Variants in CELF2 observed in about 807,000 individuals in gnomAD.
The protein encoded by CELF2 is CUGBP Elav-like family member 2.
CELF2 carries 8 observed loss-of-function variants against 62.6 expected under a neutral mutation model. That is an observed-to-expected ratio of 0.13 (90% CI 0.07 to 0.23). CELF2 has a LOEUF of 0.23. Ranked by LOEUF, CELF2 falls within the 10% of genes least tolerant of loss-of-function variation. The pLI, the probability that CELF2 is intolerant of heterozygous loss-of-function variation, is 1.00. For missense variants in CELF2, 333 were observed against 671.0 expected (o/e 0.50, Z 5.56); for synonymous variants, 258 against 250.0 (o/e 1.03, Z -0.30).
the CELF2 span, among the ~76,000 whole-genome samples, chr10:10,718,623 CAAAA>C: frequency 8.4e-5 from 7 of 83,820 alleles, no homozygotes; most frequent in African/African-American, 8.5e-5. Flanking sequence ...GACTCCGTCT[CAAAA>C]AAAAAAAAAA....
the CELF2 span, among the ~76,000 whole-genome samples, chr10:10,519,132 C>T: frequency 3.3e-5 from 5 of 152,060 alleles, no homozygotes; most frequent in Non-Finnish European, 2.9e-5. Flanking sequence ...CAGAATTTAG[C>T]AAAATGGAAT....
the CELF2 span, among the ~76,000 whole-genome samples, chr10:10,703,809 C>T: frequency 0.21 from 31,616 of 152,062 alleles, 3,597 homozygotes; most frequent in South Asian, 0.43. Context: ...TTTTCTCAGA[C>T]GAGGGAGAAT....
chr10:11,267,048 C>A lies in CELF2; in HGVS notation c.618+371C>A, dbSNP rs1049964103. The stretch of plus-strand genomic sequence containing the variant: ...GGGGTCGGTGCGGATGAAACAGTAA[C>A]AGCCTCCCACCCCAAATTACTGCTT... On this transcript the variant is annotated intron_variant, in intron 6 of 12. Transcript: ENST00000633077. This position sits in a 1 kb window ranked among gnomAD's most constrained non-coding sequence, Gnocchi z 4.4. Among the ~76,000 whole-genome samples, 1 of 152,216 alleles carries A rather than the reference C, an allele frequency of 6.6e-6. No individual in the cohort carries two copies. The highest frequency in any genetic ancestry group is 2.4e-5 in the African/African-American group (1 of 41,458).
At chr10:10,536,280 T>A in the CELF2 span, among the ~76,000 whole-genome samples, 5 of 152,118 alleles carry the variant, frequency 3.3e-5, no homozygotes, top group South Asian at 2.1e-4. Context: ...GGCCTCCCAA[T>A]GTGTTGGGAT....
chr10:10,988,294 TAGAGAG>T (rs113642206), intron 2 of CELF2, among the ~76,000 whole-genome samples: 4 of 140,842 alleles, frequency 2.8e-5, no homozygotes, highest in Non-Finnish European at 4.5e-5. Context: ...TATATATATA[TAGAGAG>T]AGAGAGAGAG....
the CELF2 span, among the ~76,000 whole-genome samples, chr10:10,501,722 CAAAT>C: frequency 6.6e-6 from 1 of 152,054 alleles, no homozygotes; most frequent in Non-Finnish European, 1.5e-5. Flanking sequence ...ATATCACTGA[CAAAT>C]AGAACACTTT....
At chr10:11,076,884 G>C (rs1174569167) in intron 1 of CELF2, among the ~76,000 whole-genome samples, 1 of 152,162 alleles carries the variant, frequency 6.6e-6, no homozygotes, top group Admixed American at 6.5e-5. Context: ...TTGTCTTGCA[G>C]ATCTAACTTG....
rs76787174 is a variant in CELF2 at position 11,323,767 on chromosome 10, T to C, written c.1295-2069T>C. On this transcript the variant is annotated intron_variant, in intron 11 of 12. Transcript: ENST00000633077. ...ACAGTAACGTGCACTGGGAGAAATC[T>C]GATGAAAGGGTGACTTGTGAACAGG... Among the ~76,000 whole-genome samples, 341 of 152,292 alleles carry C rather than the reference T, an allele frequency of 2.2e-3. 1 individual carries two copies. Among genetic ancestry groups the C allele is most frequent in the African/African-American group, 7.9e-3 (327 of 41,566 alleles).
At chr10:11,289,820 G>A (rs952001233) in intron 9 of CELF2, among the ~76,000 whole-genome samples, 3 of 152,122 alleles carry the variant, frequency 2.0e-5, no homozygotes, top group Non-Finnish European at 2.9e-5. Context: ...ATCCTGTAAC[G>A]ATCCCTTTTG....
the CELF2 span, among the ~76,000 whole-genome samples, chr10:10,582,068 T>C: frequency 6.6e-6 from 1 of 152,114 alleles, no homozygotes; most frequent in Non-Finnish European, 1.5e-5. Context: ...ATATCCTGTC[T>C]AGCCGGAGCA....
At chr10:10,962,572 T>C (rs1049357492) in intron 2 of CELF2, among the ~76,000 whole-genome samples, 1 of 152,088 alleles carries the variant, frequency 6.6e-6, no homozygotes, top group African/African-American at 2.4e-5. Flanking sequence ...ATAAAAAATA[T>C]TAACCAGGCA....
At chr10:10,518,724 T>C in the CELF2 span, among the ~76,000 whole-genome samples, 1 of 65,180 alleles carries the variant, frequency 1.5e-5, no homozygotes, top group African/African-American at 4.7e-5. Flanking sequence ...ATGATTTTTT[T>C]TTAAAAAAAA....
In CELF2 at chr10:11,314,141, G is replaced by A. The variant is rs748601455; in HGVS notation, c.979G>A (p.Ala327Thr). The A allele has an allele frequency of 6.2e-7, 1 of 1,601,974 alleles. No individual in the cohort carries two copies. Among genetic ancestry groups the A allele is most frequent in the South Asian group, 1.1e-5 (1 of 90,506 alleles). Reference sequence around the variant, plus strand: ...TGTCTCTGTTTTCCTTTTTTCAGTGGCTGCTTCAACCCCCAACTCCACTGC... The same window carrying A: ...TGTCTCTGTTTTCCTTTTTTCAGTGACTGCTTCAACCCCCAACTCCACTGC... ...SALGALTSPVAASTPNSTAGA... is the reference protein window; with the variant it reads ...SALGALTSPVTASTPNSTAGA... Residue 327 changes from alanine to threonine, a missense_variant and splice_region_variant, in exon 10 of 13, where the codon GCT becomes ACT. By Grantham distance (58) the Ala-to-Thr change is moderately conservative. Coordinates refer to ENST00000633077, the MANE Select transcript of CELF2 (RefSeq NM_001326342.2). This position sits in a 1 kb window ranked among gnomAD's most constrained non-coding sequence, Gnocchi z 5.3.
At chr10:10,538,964 T>A in the CELF2 span, among the ~76,000 whole-genome samples, 1 of 152,228 alleles carries the variant, frequency 6.6e-6, no homozygotes, top group Non-Finnish European at 1.5e-5. Flanking sequence ...TAAATGTATG[T>A]AGTAAAGAGC....
At chr10:10,747,769 C>T in the CELF2 span, among the ~76,000 whole-genome samples, 3 of 152,168 alleles carry the variant, frequency 2.0e-5, no homozygotes, top group Non-Finnish European at 4.4e-5. Flanking sequence ...TGCAGTGGCA[C>T]GATCTCGGCT....
At chr10:10,981,863 C>T (rs2052153236) in intron 2 of CELF2, among the ~76,000 whole-genome samples, 1 of 151,628 alleles carries the variant, frequency 6.6e-6, no homozygotes. Context: ...AGAAAGGCTA[C>T]ACAGTCAGGA....
chr10:11,226,360 T>A (rs1162866447), intron 3 of CELF2, among the ~76,000 whole-genome samples: 1 of 152,262 alleles, frequency 6.6e-6, no homozygotes, highest in African/African-American at 2.4e-5. Flanking sequence ...CTGCTGTGTG[T>A]TGGTGCAGGC....
At chr10:10,538,943 G>A in the CELF2 span, among the ~76,000 whole-genome samples, 1 of 152,192 alleles carries the variant, frequency 6.6e-6, no homozygotes. Flanking sequence ...TCTTAAGAGG[G>A]AAGTAGGACA....
chr10:10,529,774 C>T, the CELF2 span, among the ~76,000 whole-genome samples: 1 of 151,818 alleles, frequency 6.6e-6, no homozygotes, highest in African/African-American at 2.4e-5. Context: ...TGAAGCCTAA[C>T]CCTGCCTCAG....
Sources: gnomAD v4.1 joint callset for allele counts (sites outside exome capture counted in the v4.1 genomes callset) on GRCh38, gnomAD v4.1.1 for gene constraint, Gnocchi (gnomAD v3.1) non-coding constraint, MANE v1.5 for transcripts, NCBI Gene and HGNC (gene_info 2026-07-23, HGNC 2026-07-21) for gene names.